The following RAB6B variants were observed in gnomAD, a reference collection of about 807,000 sequenced individuals.
RAB6B encodes RAB6B, member RAS oncogene family.
A neutral mutation model predicts 31.2 loss-of-function variants in RAB6B; 7 were observed. The ratio of observed to expected loss-of-function variants is 0.22; its 90% CI spans 0.13 to 0.42. The LOEUF (loss-of-function observed/expected upper bound fraction) is 0.42. RAB6B is among the 10% of genes least tolerant of loss of function. The probability of loss-of-function intolerance (pLI) is 1.00; values close to 1 mark genes in which losing one functional copy is unlikely to be tolerated. For missense variants in RAB6B, 149 were observed against 280.6 expected, an observed-to-expected ratio of 0.53 and a Z score of 3.35; for synonymous variants, 105 against 104.9, an observed-to-expected ratio of 1.00 and a Z score of -0.01.
In RAB6B at chr3:133,824,780, A is replaced by G. The variant is rs913375591; in HGVS notation, c.*4008T>C. ...TGGGAAGAACCTAGTGTCCTAACCAAAAAGAGTAGAGATGGTCTGAGGAAC... is the reference window on the plus strand; with the variant it reads ...TGGGAAGAACCTAGTGTCCTAACCAGAAAGAGTAGAGATGGTCTGAGGAAC... On this transcript the variant is annotated 3_prime_UTR_variant, in exon 8 of 8. Coordinates refer to ENST00000285208, the MANE Select transcript of RAB6B (RefSeq NM_016577.4). 6.6e-6 allele frequency: 1 copy of G among 152,138 alleles called. No individual in the cohort carries two copies. The highest frequency in any genetic ancestry group is 2.4e-5 in the African/African-American group (1 of 41,418). The allele number at this position is 152,138 out of a possible 1,614,324, so 9.4% of individuals were successfully genotyped here. A position where few individuals can be genotyped will look rare whatever the true frequency, so the allele number is the denominator to read the frequency against.
chr3:133,851,124 T>C (rs189104304), intron 2 of RAB6B, among the ~76,000 whole-genome samples: 84 of 151,922 alleles, frequency 5.5e-4, no homozygotes, highest in Non-Finnish European at 4.0e-4. Context: ...CAAAGAGAAT[T>C]TGTGGCAAGC....
rs1936532858 is a variant in RAB6B at position 133,885,440 on chromosome 3, C to G, written c.70+9957G>C. 8.6e-6 allele frequency: 6 copies of G among 699,932 alleles called. No homozygotes were observed. In the Admixed American group the frequency reaches 1.2e-4, roughly 14 times the overall value. The allele number at this position is 699,932 out of a possible 1,614,324, so 43.4% of individuals were successfully genotyped here. ...TGATCAGAGGACGGGAACTCACATA[C>G]CCAGTGACCAGAGGACAGAGGACTT... On this transcript the variant is annotated intron_variant, in intron 1 of 7. Transcript: ENST00000285208.
intron 1 of RAB6B, among the ~76,000 whole-genome samples, chr3:133,889,388 TTATA>T (rs5852771): frequency 2.0e-3 from 160 of 80,040 alleles, no homozygotes; most frequent in African/African-American, 2.9e-3. Flanking sequence ...GGTTATTTTG[TTATA>T]TATATATATA....
intron 1 of RAB6B, among the ~76,000 whole-genome samples, chr3:133,884,631 C>G (rs1474677535): frequency 6.6e-6 from 1 of 152,206 alleles, no homozygotes; most frequent in Non-Finnish European, 1.5e-5. Context: ...CAGGGAGGGA[C>G]AGGAAGCTGC....
At chr3:133,841,734 C>G in intron 2 of RAB6B, 71 bp from the exon 3 acceptor site, 1 of 1,501,672 alleles carries the variant, frequency 6.7e-7, no homozygotes, top group Non-Finnish European at 9.2e-7. Flanking sequence ...CTAGCGACCA[C>G]AGGTGGTGGC....
At chr3:133,847,740 T>C (rs1328838508) in intron 2 of RAB6B, among the ~76,000 whole-genome samples, 2 of 152,246 alleles carry the variant, frequency 1.3e-5, no homozygotes, top group Non-Finnish European at 2.9e-5. Flanking sequence ...AATAGCCATT[T>C]GATTATCAAG....
chr3:133,863,475 T>C (rs967195431), intron 2 of RAB6B, among the ~76,000 whole-genome samples: 7 of 152,240 alleles, frequency 4.6e-5, no homozygotes, highest in Non-Finnish European at 1.0e-4. Context: ...GTCCCCGCTG[T>C]GTTCTATAAA....
intron 2 of RAB6B, among the ~76,000 whole-genome samples, chr3:133,852,557 ACCT>A (rs573251380): frequency 2.9e-4 from 43 of 149,872 alleles, no homozygotes; most frequent in Non-Finnish European, 5.6e-4. Flanking sequence ...TGTAGCCTCG[ACCT>A]CCTTGGCACA....
intron 2 of RAB6B, among the ~76,000 whole-genome samples, chr3:133,858,805 C>G (rs1319946882): frequency 6.6e-6 from 1 of 152,182 alleles, no homozygotes; most frequent in Non-Finnish European, 1.5e-5. Context: ...CAACAGCCCA[C>G]TCACAGGCCC....
intron 1 of RAB6B, among the ~76,000 whole-genome samples, chr3:133,889,580 A>G (rs1936609196): frequency 6.6e-6 from 1 of 151,528 alleles, no homozygotes; most frequent in South Asian, 2.1e-4. Context: ...GATTATAGGC[A>G]TGCGCCACCA....
Position 133,874,060 on chromosome 3 carries a change from T to C in RAB6B, c.71-9418A>G, listed in dbSNP as rs757904628. 2.7e-4 allele frequency among the ~76,000 whole-genome samples: 41 copies of C among 152,320 alleles called. 1 individual carries two copies. The highest frequency in any genetic ancestry group is 3.4e-3 in the Middle Eastern group (1 of 294). On this transcript the variant is annotated intron_variant, in intron 1 of 7. Transcript: ENST00000285208. ...GAGGAAGGGAAAGGGTTGGTCTTGC[T>C]GTCTCAAAAATGGCAGAGAAGAGGT...
chr3:133,839,867 C>T (rs1236279761), intron 4 of RAB6B, among the ~76,000 whole-genome samples: 1 of 152,188 alleles, frequency 6.6e-6, no homozygotes, highest in Non-Finnish European at 1.5e-5. Context: ...ATCACCCCAT[C>T]TGGAAGATCA....
intron 1 of RAB6B, among the ~76,000 whole-genome samples, chr3:133,868,022 T>C (rs1461562193): frequency 1.3e-5 from 2 of 152,154 alleles, no homozygotes; most frequent in Admixed American, 1.3e-4. Context: ...CTCCATGCTT[T>C]GTCTCTGGGG....
chr3:133,871,824 C>T (rs1359509700), intron 1 of RAB6B, among the ~76,000 whole-genome samples: 1 of 152,234 alleles, frequency 6.6e-6, no homozygotes, highest in African/African-American at 2.4e-5. Flanking sequence ...CAAGCCAGAA[C>T]CCTGGCCCAC....
intron 1 of RAB6B, among the ~76,000 whole-genome samples, chr3:133,879,627 CT>C (rs767249101): frequency 2.3e-4 from 35 of 152,222 alleles, no homozygotes; most frequent in Admixed American, 3.9e-4. Context: ...AGTGTCTTAG[CT>C]ATGAGGACCG....
chr3:133,893,414 T>A (rs1205043744), intron 1 of RAB6B, among the ~76,000 whole-genome samples: 2 of 152,018 alleles, frequency 1.3e-5, no homozygotes, highest in Non-Finnish European at 2.9e-5. Context: ...AGGTGGTGGG[T>A]TCATTTCTTA....
At chr3:133,842,677 C>A (rs1008141269) in intron 2 of RAB6B, among the ~76,000 whole-genome samples, 2 of 152,006 alleles carry the variant, frequency 1.3e-5, no homozygotes, top group African/African-American at 4.8e-5. Flanking sequence ...GCGAGTGATC[C>A]CAATTAGATT....
At chr3:133,843,920 C>T (rs747019523) in intron 2 of RAB6B, among the ~76,000 whole-genome samples, 1 of 152,170 alleles carries the variant, frequency 6.6e-6, no homozygotes, top group Non-Finnish European at 1.5e-5. Flanking sequence ...ACTTCAGCAG[C>T]GCTGGACTGC....
intron 2 of RAB6B, among the ~76,000 whole-genome samples, chr3:133,861,023 C>T (rs1354120816): frequency 6.6e-6 from 1 of 152,238 alleles, no homozygotes; most frequent in Non-Finnish European, 1.5e-5. Flanking sequence ...ACCAAATCCT[C>T]CCCCTCCATC....
Sources: allele counts gnomAD v4.1 joint callset (sites outside exome capture counted in the v4.1 genomes callset), GRCh38; gene constraint gnomAD v4.1.1; transcripts MANE v1.5; gene names NCBI Gene and HGNC (gene_info 2026-07-23, HGNC 2026-07-21).